The following ANKRD62 variants were observed in gnomAD, a reference collection of about 807,000 sequenced individuals.
ANKRD62 encodes ankyrin repeat domain-containing protein 62.
ANKRD62 carries 61 observed loss-of-function variants against 98.8 expected under a neutral mutation model. That is an observed-to-expected ratio of 0.62 (90% CI 0.50 to 0.76). The LOEUF (loss-of-function observed/expected upper bound fraction) is 0.76, where lower values mean the gene tolerates loss of function less well. ANKRD62 is among the 30% of genes least tolerant of loss of function. The probability of loss-of-function intolerance (pLI) is 0.00; values close to 1 mark genes in which losing one functional copy is unlikely to be tolerated. For synonymous variants in ANKRD62, 341 were observed against 367.9 expected (o/e 0.93, Z 0.84); for missense variants, 933 against 1,082.9 (o/e 0.86, Z 1.94).
chr18:12,164,245 G>A, the ANKRD62 span, among the ~76,000 whole-genome samples: 1 of 151,796 alleles, frequency 6.6e-6, no homozygotes, highest in Non-Finnish European at 1.5e-5. Context: ...ATGTGCTTAG[G>A]AATTTATCCA....
intron 4 of ANKRD62, 24 bp downstream of exon 4, chr18:12,096,326 AT>A: frequency 7.1e-7 from 1 of 1,404,944 alleles, no homozygotes; most frequent in Non-Finnish European, 9.6e-7. Context: ...TTTTTTGTTC[AT>A]TTTTAAACCT....
chr18:12,158,882 G>A, the ANKRD62 span, among the ~76,000 whole-genome samples: 1 of 152,084 alleles, frequency 6.6e-6, no homozygotes, highest in Non-Finnish European at 1.5e-5. Context: ...GCTGGGCTTC[G>A]AGTGGGAGGT....
rs1157756033 is a variant in ANKRD62, at chr18:12,115,374, A to T, written c.1099-19A>T. 6.6e-7 allele frequency: 1 copy of T among 1,515,818 alleles called. No homozygotes were observed. Among genetic ancestry groups the T allele is most frequent in the East Asian group, 2.5e-5 (1 of 40,570 alleles). 93.9% of individuals were successfully genotyped at this position (1,515,818 alleles called of 1,614,324 possible). On this transcript the variant is annotated intron_variant, in intron 9 of 13. Coordinates refer to ENST00000587848, the MANE Select transcript of ANKRD62 (RefSeq NM_001277333.2). ...AAATATTTCGAGGGCATTTTGAAAC[A>T]GTGTTATTTATTTTATAGGTTAAAA...
At chr18:12,097,585 T>C in intron 4 of ANKRD62, 55 bp from the exon 5 acceptor site, 1 of 1,482,124 alleles carries the variant, frequency 6.7e-7, no homozygotes, top group Non-Finnish European at 8.9e-7. Flanking sequence ...TAAATTTAGC[T>C]TTTAACATAG....
chr18:12,171,052 T>C, the ANKRD62 span, among the ~76,000 whole-genome samples: 25 of 152,138 alleles, frequency 1.6e-4, no homozygotes, highest in Middle Eastern at 3.4e-3. Flanking sequence ...AGATGAGTCT[T>C]CTGAATACAG....
chr18:12,162,915 T>G, the ANKRD62 span, among the ~76,000 whole-genome samples: 2 of 152,124 alleles, frequency 1.3e-5, no homozygotes, highest in African/African-American at 4.8e-5. Context: ...TTGGTTATTA[T>G]AGCTCTGTTG....
rs933452351 is a variant in ANKRD62, at chr18:12,125,609, A to C, written c.1788A>C (p.Ile596=). Residue 596 remains isoleucine, a synonymous_variant, in exon 13 of 14, where the codon ATA becomes ATC. Transcript: ENST00000587848. ...ENKYFKDIEI[I]KENNEDLEKT... is the part of the protein sequence containing the mutation. ...AATATTTCAAAGATATTGAAATTAT[A>C]AAGGAAAACAATGAAGACCTTGAAA... is the stretch of plus-strand genomic sequence containing the variant. The C allele has an allele frequency of 6.6e-7, 1 of 1,526,294 alleles. No individual in the cohort carries two copies. The highest frequency in any genetic ancestry group is 1.4e-5 in the African/African-American group (1 of 72,196). 94.5% of individuals were successfully genotyped at this position (1,526,294 alleles called of 1,614,324 possible).
At chr18:12,104,737 A>G (rs191213140) in intron 7 of ANKRD62, among the ~76,000 whole-genome samples, 1 of 152,300 alleles carries the variant, frequency 6.6e-6, no homozygotes, top group East Asian at 1.9e-4. Context: ...ATTGTCAGGA[A>G]AAGATGTATC....
intron 10 of ANKRD62, among the ~76,000 whole-genome samples, chr18:12,120,745 A>G (rs1200264871): frequency 6.6e-6 from 1 of 151,950 alleles, no homozygotes; most frequent in Non-Finnish European, 1.5e-5. Flanking sequence ...GCTATTTTCT[A>G]TGATTTGATT....
downstream of ANKRD62, among the ~76,000 whole-genome samples, chr18:12,134,556 G>A (rs1910052143): frequency 6.6e-6 from 1 of 152,078 alleles, no homozygotes; most frequent in African/African-American, 2.4e-5. Flanking sequence ...CCCAGTGTGT[G>A]ATGTTCCCCT....
chr18:12,116,456 TA>T (rs962224971), intron 10 of ANKRD62, among the ~76,000 whole-genome samples: 1 of 152,252 alleles, frequency 6.6e-6, no homozygotes, highest in African/African-American at 2.4e-5. Flanking sequence ...TTATTAAAAG[TA>T]TTTTTTTAAT....
intron 10 of ANKRD62, among the ~76,000 whole-genome samples, chr18:12,121,783 A>G (rs989395449): frequency 6.6e-6 from 1 of 152,190 alleles, no homozygotes; most frequent in African/African-American, 2.4e-5. Flanking sequence ...GTTGAAAATC[A>G]TTGTTGAATA....
Position 12,094,093 on chromosome 18 carries a change from G to A in ANKRD62, c.76G>A (p.Gly26Ser). 6 of 1,534,942 alleles carry A rather than the reference G, an allele frequency of 3.9e-6. No individual in the cohort carries two copies. Among genetic ancestry groups the A allele is most frequent in the South Asian group, 1.2e-5 (1 of 83,986 alleles). Residue 26 changes from glycine (G) to serine (S), a missense_variant, in exon 1 of 14, where the codon GGC becomes AGC. By Grantham distance (56) the Gly-to-Ser change is moderately conservative (BLOSUM62 0). Coordinates refer to ENST00000587848, the MANE Select transcript of ANKRD62 (RefSeq NM_001277333.2). ...ATWRKNRDKDGFSNPGYRVRQ... is the reference protein window; with the variant it reads ...ATWRKNRDKDSFSNPGYRVRQ... ...CTGGAGGAAGAATCGTGACAAGGAT[G>A]GCTTCTCAAATCCCGGGTACCGAGT...
chr18:12,094,780 TGTG>T (rs1173749627), intron 1 of ANKRD62, among the ~76,000 whole-genome samples: 1 of 33,378 alleles, frequency 3.0e-5, no homozygotes, highest in Non-Finnish European at 5.4e-5. Context: ...GCAGGACTGG[TGTG>T]GGGGTGGGTG....
chr18:12,097,137 G>A (rs1476545385), intron 4 of ANKRD62, among the ~76,000 whole-genome samples: 1 of 152,108 alleles, frequency 6.6e-6, no homozygotes, highest in Non-Finnish European at 1.5e-5. Flanking sequence ...TTGTGTATAA[G>A]TAATATATGT....
At chr18:12,118,366 TGG>T (rs1909711126) in intron 10 of ANKRD62, among the ~76,000 whole-genome samples, 10 of 152,050 alleles carry the variant, frequency 6.6e-5, no homozygotes, top group African/African-American at 1.9e-4. Context: ...CCAGCACTTT[TGG>T]GAGGCCAAGA....
intron 10 of ANKRD62, among the ~76,000 whole-genome samples, chr18:12,116,218 C>T (rs145935045): frequency 6.6e-6 from 1 of 152,290 alleles, no homozygotes; most frequent in African/African-American, 2.4e-5. Context: ...ACAAAAGTGT[C>T]CTATGCTGCT....
chr18:12,139,572 G>A, the ANKRD62 span, among the ~76,000 whole-genome samples: 2 of 152,034 alleles, frequency 1.3e-5, no homozygotes, highest in East Asian at 1.9e-4. Context: ...TGTGAACCCG[G>A]GAGGCAGAGC....
chr18:12,154,362 G>C, the ANKRD62 span, among the ~76,000 whole-genome samples: 1 of 152,148 alleles, frequency 6.6e-6, no homozygotes, highest in Non-Finnish European at 1.5e-5. Flanking sequence ...TATCACTGAT[G>C]ATCAGAGAAA....
Sources: allele counts gnomAD v4.1 joint callset (sites outside exome capture counted in the v4.1 genomes callset), GRCh38; gene constraint gnomAD v4.1.1; transcripts MANE v1.5; gene names NCBI Gene and HGNC (gene_info 2026-07-23, HGNC 2026-07-21).